PTPRB: variants seen among roughly 807,000 people sequenced by gnomAD.
PTPRB encodes protein tyrosine phosphatase receptor type B, also known as receptor-type tyrosine-protein phosphatase beta.
Under a neutral mutation model 238.1 loss-of-function variants are expected in PTPRB, and 97 were observed. The observed-to-expected ratio is 0.41, with a 90% CI of 0.35 to 0.48. The LOEUF is 0.48. Among genes scored for constraint, PTPRB ranks in the 20% least tolerant of loss-of-function variants. The pLI is 0.30. For missense variants in PTPRB, 2,292 were observed against 2,681.9 expected (o/e 0.85, Z 3.21); for synonymous variants, 970 against 995.4 (o/e 0.97, Z 0.48).
At chr12:70,530,707 C>G (rs1033808548) in intron 32 of PTPRB, among the ~76,000 whole-genome samples, 1 of 152,144 alleles carries the variant, frequency 6.6e-6, no homozygotes, top group Non-Finnish European at 1.5e-5. Flanking sequence ...TACATGGAAA[C>G]TCACTATACT....
intron 3 of PTPRB, chr12:70,609,857 A>T (rs1384398905): frequency 1.3e-6 from 2 of 1,548,246 alleles, no homozygotes; most frequent in Non-Finnish European, 8.7e-7. Flanking sequence ...AGGGGGCTGG[A>T]CGTGGGACGG....
intron 28 of PTPRB, among the ~76,000 whole-genome samples, chr12:70,536,457 T>TG: frequency 6.6e-6 from 1 of 152,126 alleles, no homozygotes; most frequent in Non-Finnish European, 1.5e-5. Context: ...TTGGGGGGTA[T>TG]TTGTGTAGAC....
chr12:70,609,865 C>T lies in PTPRB; in HGVS notation c.709-526G>A, dbSNP rs139200833. ...GAGACCGAGGGGGCTGGACGTGGGACGGCCCGAGGGCCGGGGCAGGGGGTC... is the reference window on the plus strand; with the variant it reads ...GAGACCGAGGGGGCTGGACGTGGGATGGCCCGAGGGCCGGGGCAGGGGGTC... On this transcript the variant is annotated intron_variant, in intron 3 of 33. Transcript: ENST00000334414. 2,145 of 1,538,700 alleles carry T rather than the reference C, an allele frequency of 1.4e-3. 15 individuals carry two copies. The African/African-American group carries it at 0.025, about 18-fold the overall frequency.
intron 14 of PTPRB, among the ~76,000 whole-genome samples, chr12:70,568,519 A>G (rs11835931): frequency 0.25 from 37,701 of 151,964 alleles, 5,399 homozygotes; most frequent in African/African-American, 0.39. Flanking sequence ...GGATGGTCTC[A>G]ATCTCCTGAC....
At position 70,572,000 on chromosome 12, in the gene PTPRB, A is replaced by G. The variant is rs554272193; in HGVS notation, c.2930T>C (p.Phe977Ser). Residue 977 changes from phenylalanine (F) to serine (S), a missense_variant, in exon 12 of 34, where the codon TTT becomes TCT. Transcript: ENST00000334414. The stretch of plus-strand genomic sequence containing the variant: ...TTTAATGGTGACTTCATAGTGATCA[A>G]AGTCTCCAGTGGCATGCACCCAGGA... The part of the protein sequence containing the change: ...RVSWVHATGD[F>S]DHYEVTIKNK... 6.2e-6 allele frequency: 10 copies of G among 1,613,812 alleles called. No homozygotes were observed. The highest frequency in any genetic ancestry group is 4.4e-5 in the South Asian group (4 of 91,084).
At position 70,531,105 on chromosome 12, in the gene PTPRB, T is replaced by C. The variant is rs1313694326; in HGVS notation, c.6504+930A>G. On this transcript the variant is annotated intron_variant, in intron 32 of 33. Transcript: ENST00000334414. ...AATTGTTACTGGCTTGAATGCAGGA[T>C]ATTAATATGTGCTGCACAAGAAAAG... Among the ~76,000 whole-genome samples the C allele has an allele frequency of 7.9e-5, 12 of 152,202 alleles. No individual in the cohort carries two copies. In the East Asian group the frequency reaches 2.1e-3, roughly 27 times the overall value.
intron 13 of PTPRB, among the ~76,000 whole-genome samples, chr12:70,570,379 G>C (rs56033227): frequency 0.21 from 32,407 of 151,916 alleles, 3,815 homozygotes; most frequent in African/African-American, 0.32. Context: ...TAGGGTCTCT[G>C]TCTGTTGTCC....
At position 70,516,391 on chromosome 12, in the gene PTPRB, C is replaced by A. The variant is rs184126673; in HGVS notation, c.*5098G>T. On this transcript the variant is annotated 3_prime_UTR_variant, in exon 34 of 34. Transcript: ENST00000334414. ...CCTTGTTCTTGAGGAATTTATAAGC[C>A]CAATAGTCCTGCATAGAAAACCAGA... The A allele has an allele frequency of 3.3e-4, 50 of 152,248 alleles. No homozygotes were observed. Among genetic ancestry groups the A allele is most frequent in the African/African-American group, 1.2e-3 (48 of 41,554 alleles). 9.4% of individuals were successfully genotyped at this position (152,248 alleles called of 1,614,324 possible).
chr12:70,636,654 GA>G (rs1334349412), intron 1 of PTPRB, among the ~76,000 whole-genome samples: 1 of 152,170 alleles, frequency 6.6e-6, no homozygotes, highest in East Asian at 1.9e-4. Flanking sequence ...TGCAGCCAAT[GA>G]AAGTATTGAT....
At chr12:70,553,249 C>G (rs548881792) in intron 20 of PTPRB, among the ~76,000 whole-genome samples, 2 of 152,270 alleles carry the variant, frequency 1.3e-5, no homozygotes, top group East Asian at 1.9e-4. Flanking sequence ...CACACACACA[C>G]AGCATCATTT....
chr12:70,555,113 G>A (rs150933967), intron 20 of PTPRB, 47 bp downstream of exon 20: 9 of 1,583,318 alleles, frequency 5.7e-6, no homozygotes, highest in South Asian at 3.5e-5. Flanking sequence ...TGACCTCTGA[G>A]GAAGCAATTC....
At position 70,571,893 on chromosome 12, in the gene PTPRB, A is replaced by G; in HGVS notation, c.3037T>C (p.Leu1013=). The G allele has an allele frequency of 1.2e-6, 2 of 1,613,820 alleles. No homozygotes were observed. The highest frequency in any genetic ancestry group is 1.7e-6 in the Non-Finnish European group (2 of 1,179,696). The change falls in exon 12 of 34, where the codon TTG becomes CTG. Residue 1013 remains leucine, a synonymous_variant. Coordinates refer to ENST00000334414, the MANE Select transcript of PTPRB (RefSeq NM_001109754.4). ...CVFVQLVPGR[L]YSVTVTTKSG... ...TTTGTAGTAACAGTGACACTGTACA[A>G]CCGTCCAGGGACTAGCTGAACAAAT... is the stretch of plus-strand genomic sequence containing the variant.
chr12:70,566,718 A>G lies in PTPRB; in HGVS notation c.3635-14T>C, dbSNP rs1879350595. 6.2e-7 allele frequency: 1 copy of G among 1,607,610 alleles called. No individual in the cohort carries two copies. The highest frequency in any genetic ancestry group is 1.1e-5 in the South Asian group (1 of 90,814). On this transcript the variant is annotated splice_polypyrimidine_tract_variant and intron_variant, in intron 14 of 33. Coordinates refer to ENST00000334414, the MANE Select transcript of PTPRB (RefSeq NM_001109754.4). Reference sequence around the variant, plus strand: ...CAGATGCTGGAACTGCAGAGAGACAAGTGGAGCAACAAAATACAGATTTTA... The same window carrying G: ...CAGATGCTGGAACTGCAGAGAGACAGGTGGAGCAACAAAATACAGATTTTA...
chr12:70,530,054 T>G (rs1228058652), intron 32 of PTPRB, among the ~76,000 whole-genome samples: 1 of 152,154 alleles, frequency 6.6e-6, no homozygotes, highest in Non-Finnish European at 1.5e-5. Flanking sequence ...TCAGCTGGCT[T>G]CTTTAACAAA....
chr12:70,604,168 G>A (rs1055610648), intron 4 of PTPRB, among the ~76,000 whole-genome samples: 1 of 152,110 alleles, frequency 6.6e-6, no homozygotes, highest in Non-Finnish European at 1.5e-5. Flanking sequence ...CTGAGCCTGG[G>A]AGGTCAAGGC....
intron 15 of PTPRB, among the ~76,000 whole-genome samples, chr12:70,564,371 G>A (rs564075262): frequency 1.2e-4 from 19 of 152,050 alleles, no homozygotes; most frequent in Non-Finnish European, 1.8e-4. Context: ...AATTAGCCGG[G>A]TGTAGTGGTG....
In PTPRB at chr12:70,532,022, C is replaced by T. The variant is rs1873331067; in HGVS notation, c.6504+13G>A. 1 of 1,613,844 alleles carries T rather than the reference C, an allele frequency of 6.2e-7. No homozygotes were observed. The highest frequency in any genetic ancestry group is 8.5e-7 in the Non-Finnish European group (1 of 1,179,858). On this transcript the variant is annotated intron_variant, in intron 32 of 33. Coordinates refer to ENST00000334414, the MANE Select transcript of PTPRB (RefSeq NM_001109754.4). Reference sequence around the variant, plus strand: ...AGGAGGGTGGCCTGTAACTTTCAGTCTATAACTCTTACCTCAGTCTGGACC... The same window carrying T: ...AGGAGGGTGGCCTGTAACTTTCAGTTTATAACTCTTACCTCAGTCTGGACC...
intron 32 of PTPRB, among the ~76,000 whole-genome samples, chr12:70,528,645 G>T (rs950688596): frequency 6.6e-6 from 1 of 152,114 alleles, no homozygotes; most frequent in Non-Finnish European, 1.5e-5. Context: ...ATCTCCCCAC[G>T]TAAATAAACA....
chr12:70,579,465 G>A (rs1881134454), intron 10 of PTPRB, among the ~76,000 whole-genome samples: 1 of 152,090 alleles, frequency 6.6e-6, no homozygotes, highest in Non-Finnish European at 1.5e-5. Context: ...TTGGGAGGCC[G>A]AGGCAGGCAG....
Sources: allele counts gnomAD v4.1 joint callset (sites outside exome capture counted in the v4.1 genomes callset), GRCh38; gene constraint gnomAD v4.1.1; transcripts MANE v1.5; gene names NCBI Gene and HGNC (gene_info 2026-07-23, HGNC 2026-07-21).